The following CLYBL variants were observed in gnomAD, a reference collection of about 807,000 sequenced individuals.
The protein encoded by CLYBL is citramalyl-CoA lyase, mitochondrial.
A neutral mutation model predicts 38.9 loss-of-function variants in CLYBL; 31 were observed. The ratio of observed to expected loss-of-function variants is 0.80; its 90% CI spans 0.60 to 1.08. CLYBL has a LOEUF of 1.08. CLYBL is among the 50% of genes least tolerant of loss of function. The pLI is 0.00. For missense variants in CLYBL, 434 were observed against 411.6 expected, an observed-to-expected ratio of 1.05 and a Z score of -0.47; for synonymous variants, 171 against 158.6, an observed-to-expected ratio of 1.08 and a Z score of -0.59.
At chr13:99,640,960 A>G (rs949308110) in intron 1 of CLYBL, among the ~76,000 whole-genome samples, 2 of 152,238 alleles carry the variant, frequency 1.3e-5, no homozygotes, top group Non-Finnish European at 2.9e-5. Flanking sequence ...GGACTTAACA[A>G]AAAAATTAGT....
At chr13:99,643,836 T>C (rs2047131154) in intron 1 of CLYBL, among the ~76,000 whole-genome samples, 1 of 151,804 alleles carries the variant, frequency 6.6e-6, no homozygotes, top group African/African-American at 2.4e-5. Flanking sequence ...TGAAACCCCG[T>C]CTCCACTAAA....
intron 1 of CLYBL, among the ~76,000 whole-genome samples, chr13:99,623,181 C>T (rs1051362574): frequency 6.6e-6 from 1 of 152,212 alleles, no homozygotes; most frequent in Non-Finnish European, 1.5e-5. Context: ...AACCACCAAA[C>T]TGTTTTCCAC....
At chr13:99,737,674 C>T (rs1320891165) in intron 1 of CLYBL, among the ~76,000 whole-genome samples, 1 of 152,172 alleles carries the variant, frequency 6.6e-6, no homozygotes, top group Admixed American at 6.5e-5. Context: ...CTTTCCCCTC[C>T]TGAGCTCAAG....
chr13:99,823,492 C>A (rs964752778), intron 2 of CLYBL, among the ~76,000 whole-genome samples: 1 of 152,244 alleles, frequency 6.6e-6, no homozygotes, highest in African/African-American at 2.4e-5. Context: ...GAGCCGCTGG[C>A]AACCACTGAT....
At chr13:99,627,075 G>A (rs1356286461) in intron 1 of CLYBL, among the ~76,000 whole-genome samples, 1 of 151,712 alleles carries the variant, frequency 6.6e-6, no homozygotes, top group African/African-American at 2.4e-5. Flanking sequence ...TGCCAGAAAT[G>A]TAGTAAATAT....
At chr13:99,637,897 A>C (rs2047042054) in intron 1 of CLYBL, among the ~76,000 whole-genome samples, 1 of 151,030 alleles carries the variant, frequency 6.6e-6, no homozygotes, top group Non-Finnish European at 1.5e-5. Flanking sequence ...TAGCAGATGC[A>C]TTAATTTGCA....
At chr13:99,740,322 G>A (rs977365122) in intron 1 of CLYBL, among the ~76,000 whole-genome samples, 1 of 152,202 alleles carries the variant, frequency 6.6e-6, no homozygotes, top group African/African-American at 2.4e-5. Flanking sequence ...GTGCTAAGAG[G>A]CTCGAAAGTC....
At chr13:99,741,363 CACCTT>C (rs1318958569) in intron 1 of CLYBL, among the ~76,000 whole-genome samples, 1 of 152,224 alleles carries the variant, frequency 6.6e-6, no homozygotes, top group Non-Finnish European at 1.5e-5. Context: ...GGGAGTGTGT[CACCTT>C]ACCAGGCCAC....
intron 2 of CLYBL, among the ~76,000 whole-genome samples, chr13:99,830,230 T>A (rs533043445): frequency 2.0e-5 from 3 of 152,202 alleles, no homozygotes; most frequent in Non-Finnish European, 4.4e-5. Flanking sequence ...ATTTTCTGCA[T>A]GATGAAAGAT....
At chr13:99,711,431 C>T (rs1203217486) in intron 1 of CLYBL, among the ~76,000 whole-genome samples, 2 of 106,828 alleles carry the variant, frequency 1.9e-5, no homozygotes, top group African/African-American at 7.1e-5. Flanking sequence ...TTTTTTGAGA[C>T]GGAGTTTCGC....
At chr13:99,764,872 G>T (rs577498345) in intron 1 of CLYBL, among the ~76,000 whole-genome samples, 2 of 151,040 alleles carry the variant, frequency 1.3e-5, no homozygotes, top group Admixed American at 1.3e-4. Context: ...TTAAAGATGG[G>T]GTCTCACAGG....
At chr13:99,661,276 T>C (rs1325408555) in intron 1 of CLYBL, among the ~76,000 whole-genome samples, 1 of 152,166 alleles carries the variant, frequency 6.6e-6, no homozygotes, top group Non-Finnish European at 1.5e-5. Context: ...TCCAGAAAAT[T>C]GTAATTCCCT....
At chr13:99,826,589 G>C (rs776918863) in intron 2 of CLYBL, among the ~76,000 whole-genome samples, 1 of 152,168 alleles carries the variant, frequency 6.6e-6, no homozygotes, top group Non-Finnish European at 1.5e-5. Flanking sequence ...AAAACCAACT[G>C]TGTTACTGGA....
intron 1 of CLYBL, among the ~76,000 whole-genome samples, chr13:99,682,602 G>C (rs1383044743): frequency 6.6e-6 from 1 of 152,070 alleles, no homozygotes; most frequent in Admixed American, 6.6e-5. Context: ...AGTGAGCAGT[G>C]AGTGAATATG....
chr13:99,709,954 C>G (rs1305646124), intron 1 of CLYBL, among the ~76,000 whole-genome samples: 1 of 127,142 alleles, frequency 7.9e-6, no homozygotes, highest in Non-Finnish European at 1.6e-5. Context: ...GACGGAGTCT[C>G]GCTCTGTCGC....
intron 1 of CLYBL, among the ~76,000 whole-genome samples, chr13:99,610,737 A>G (rs904387155): frequency 6.6e-6 from 1 of 152,170 alleles, no homozygotes; most frequent in Non-Finnish European, 1.5e-5. Context: ...AGCCCTGCAC[A>G]TGTGCGTGGC....
At chr13:99,675,622 C>A (rs892012475) in intron 1 of CLYBL, among the ~76,000 whole-genome samples, 2 of 152,168 alleles carry the variant, frequency 1.3e-5, no homozygotes, top group African/African-American at 4.8e-5. Context: ...TGGAATCATA[C>A]GATACGTGGT....
intron 1 of CLYBL, among the ~76,000 whole-genome samples, chr13:99,708,461 A>G (rs2048179329): frequency 6.6e-6 from 1 of 152,236 alleles, no homozygotes; most frequent in African/African-American, 2.4e-5. Context: ...GAGATGATAT[A>G]GTGGAATGGA....
intron 1 of CLYBL, among the ~76,000 whole-genome samples, chr13:99,770,080 CTTTTTT>C (rs3033589): frequency 9.7e-6 from 1 of 103,182 alleles, no homozygotes; most frequent in Non-Finnish European, 1.9e-5. Flanking sequence ...TCTTTTCTTT[CTTTTTT>C]TTTTTTTTTT....
Sources: gnomAD v4.1 joint callset for allele counts (sites outside exome capture counted in the v4.1 genomes callset) on GRCh38, gnomAD v4.1.1 for gene constraint, MANE v1.5 for transcripts, NCBI Gene and HGNC (gene_info 2026-07-23, HGNC 2026-07-21) for gene names.